PLCB4: variants seen among roughly 807,000 people sequenced by gnomAD.
PLCB4 encodes the protein 1-phosphatidylinositol 4,5-bisphosphate phosphodiesterase beta-4.
In PLCB4, 77 loss-of-function variants were observed where a neutral mutation model predicts 178.8. That is an observed-to-expected ratio of 0.43 (90% CI 0.36 to 0.52). PLCB4 has a LOEUF of 0.52. Among genes scored for constraint, PLCB4 ranks in the 20% least tolerant of loss-of-function variants. The pLI, the probability that PLCB4 is intolerant of heterozygous loss-of-function variation, is 0.00. For synonymous variants in PLCB4, 496 were observed against 490.8 expected (o/e 1.01, Z -0.14); for missense variants, 1,024 against 1,453.4 (o/e 0.70, Z 4.80).
intron 24 of PLCB4, among the ~76,000 whole-genome samples, chr20:9,409,566 T>C (rs1399276626): frequency 6.6e-6 from 1 of 152,202 alleles, no homozygotes; most frequent in Non-Finnish European, 1.5e-5. Context: ...TCATTTCTCC[T>C]TTGGCAAACA....
intron 25 of PLCB4, among the ~76,000 whole-genome samples, chr20:9,414,053 C>T (rs534629921): frequency 6.6e-6 from 1 of 152,330 alleles, no homozygotes; most frequent in Non-Finnish European, 1.5e-5. Context: ...TGCCTGACCT[C>T]ACTGGTCATT....
chr20:9,411,396 A>T (rs1212491570), intron 25 of PLCB4, among the ~76,000 whole-genome samples: 3 of 152,224 alleles, frequency 2.0e-5, no homozygotes, highest in Non-Finnish European at 2.9e-5. Context: ...TAATCCCTGC[A>T]CACTTGGACA....
intron 2 of PLCB4, among the ~76,000 whole-genome samples, chr20:9,182,381 AG>A (rs2093261288): frequency 6.6e-6 from 1 of 152,174 alleles, no homozygotes; most frequent in South Asian, 2.1e-4. Context: ...CCATTATACC[AG>A]GCTGAAGTGT....
chr20:9,436,093 T>C (rs2041749980), intron 29 of PLCB4, among the ~76,000 whole-genome samples: 1 of 152,212 alleles, frequency 6.6e-6, no homozygotes, highest in Admixed American at 6.5e-5. Context: ...TTACTAAAAA[T>C]ATTGTATAAA....
At chr20:9,112,859 A>G (rs1055620488) in intron 2 of PLCB4, among the ~76,000 whole-genome samples, 1 of 136,964 alleles carries the variant, frequency 7.3e-6, no homozygotes. Context: ...AGCTGTCTCT[A>G]TAATTATAAC....
intron 2 of PLCB4, among the ~76,000 whole-genome samples, chr20:9,113,741 A>G (rs367840284): frequency 1.3e-5 from 2 of 152,210 alleles, no homozygotes; most frequent in East Asian, 3.8e-4. Context: ...GTTCTGAACA[A>G]TTTTCAGTGT....
chr20:9,465,269 T>C (rs542449950), intron 35 of PLCB4, among the ~76,000 whole-genome samples: 18 of 152,318 alleles, frequency 1.2e-4, no homozygotes, highest in Admixed American at 1.1e-3. Flanking sequence ...AACTAGATAT[T>C]GATGGAATGT....
intron 35 of PLCB4, among the ~76,000 whole-genome samples, chr20:9,466,076 C>T (rs114943072): frequency 0.028 from 4,199 of 152,158 alleles, 191 homozygotes; most frequent in African/African-American, 0.097. Flanking sequence ...GGTACTAGTA[C>T]GAAAACAGAG....
chr20:9,391,652 T>C (rs1356389314), intron 17 of PLCB4, among the ~76,000 whole-genome samples: 1 of 152,196 alleles, frequency 6.6e-6, no homozygotes, highest in African/African-American at 2.4e-5. Context: ...GACCTGCCCA[T>C]ATCCTTGCAG....
chr20:9,393,418 A>T (rs747933302), intron 17 of PLCB4, among the ~76,000 whole-genome samples, 170 bp from the exon 18 acceptor site: 17 of 152,110 alleles, frequency 1.1e-4, no homozygotes, highest in Non-Finnish European at 2.1e-4. Context: ...GGAAAAGCTC[A>T]ATGGGTGTGC....
rs555651307 is a variant in PLCB4, at chr20:9,081,826, GA to G, written c.-135+12626del. On this transcript the variant is annotated intron_variant, in intron 1 of 39. Transcript: ENST00000378473. ...CGAAGCCATCTGCAGACCTATTAAA[GA>G]AAAAAGTATTTCATGATTATTTACA... Among the ~76,000 whole-genome samples the G allele has an allele frequency of 8.8e-3, 1,170 of 132,874 alleles. 2 individuals are homozygous for G. The highest frequency in any genetic ancestry group is 0.014 in the Non-Finnish European group (869 of 62,714). The allele number at this position is 132,874 out of a possible 152,430, so 87.2% of individuals were successfully genotyped here.
intron 14 of PLCB4, among the ~76,000 whole-genome samples, chr20:9,385,387 A>G (rs1400202166): frequency 1.3e-5 from 2 of 151,690 alleles, no homozygotes; most frequent in Middle Eastern, 3.3e-3. Flanking sequence ...CACCTCCCAG[A>G]TGATGGGCGG....
At chr20:9,147,272 G>T (rs1469271400) in intron 2 of PLCB4, among the ~76,000 whole-genome samples, 7 of 152,138 alleles carry the variant, frequency 4.6e-5, no homozygotes, top group Admixed American at 4.6e-4. Flanking sequence ...AGGTGCATAG[G>T]ATGTCATCAA....
chr20:9,327,644 T>C (rs968479282), intron 4 of PLCB4, among the ~76,000 whole-genome samples: 24 of 151,264 alleles, frequency 1.6e-4, no homozygotes, highest in African/African-American at 5.1e-4. Context: ...GACGTGGTGG[T>C]GGGCGCCTGT....
intron 3 of PLCB4, among the ~76,000 whole-genome samples, chr20:9,291,660 A>G (rs1169903968): frequency 6.6e-6 from 1 of 152,130 alleles, no homozygotes; most frequent in Non-Finnish European, 1.5e-5. Context: ...CTCTGTACTT[A>G]CTTTAAGCTT....
At chr20:9,128,713 A>G (rs2092196106) in intron 2 of PLCB4, among the ~76,000 whole-genome samples, 1 of 152,206 alleles carries the variant, frequency 6.6e-6, no homozygotes, top group African/African-American at 2.4e-5. Flanking sequence ...TTAAGTGAAC[A>G]GTTAAGTGAC....
rs1166846702 is a variant in PLCB4 at position 9,324,770 on chromosome 20, GT to G, written c.85-12355del. Among the ~76,000 whole-genome samples, 7 of 152,282 alleles carry G rather than the reference GT, an allele frequency of 4.6e-5. No individual in the cohort carries two copies. The East Asian group carries it at 1.4e-3, about 29-fold the overall frequency. ...GAGCCAGCATTGACCCTAAGAGCCAGTGGGGACTATGTATCTTCAAGGCCTA... is the reference window on the plus strand; with the variant it reads ...GAGCCAGCATTGACCCTAAGAGCCAGGGGGACTATGTATCTTCAAGGCCTA... On this transcript the variant is annotated intron_variant, in intron 4 of 39. Transcript: ENST00000378473.
rs767317559 is a variant in PLCB4 at position 9,407,900 on chromosome 20, C to A, written c.1648-17C>A. The A allele has an allele frequency of 8.1e-6, 13 of 1,602,748 alleles. No homozygotes were observed. Among genetic ancestry groups the A allele is most frequent in the Non-Finnish European group, 1.0e-5 (12 of 1,176,374 alleles). On this transcript the variant is annotated splice_polypyrimidine_tract_variant and intron_variant, in intron 21 of 39. Coordinates refer to ENST00000378473, the MANE Select transcript of PLCB4 (RefSeq NM_001377142.1). The stretch of plus-strand genomic sequence containing the variant: ...CTGAAGTCATCAACTTATATGTTTT[C>A]TTCCTTGTGCTTGTAGGGCCTGGTC...
chr20:9,329,503 AGG>A, intron 4 of PLCB4, among the ~76,000 whole-genome samples: 1 of 152,160 alleles, frequency 6.6e-6, no homozygotes, highest in South Asian at 2.1e-4. Context: ...GCATATTACT[AGG>A]TGCCACAGGC....
Sources: gnomAD v4.1 joint callset for allele counts (sites outside exome capture counted in the v4.1 genomes callset) on GRCh38, gnomAD v4.1.1 for gene constraint, MANE v1.5 for transcripts, NCBI Gene and HGNC (gene_info 2026-07-23, HGNC 2026-07-21) for gene names.